MEGF10: variants seen among roughly 807,000 people sequenced by gnomAD.
The protein encoded by MEGF10 is multiple EGF like domains 10, also known as multiple epidermal growth factor-like domains protein 10.
A neutral mutation model predicts 147.5 loss-of-function variants in MEGF10; 86 were observed. The ratio of observed to expected loss-of-function variants is 0.58; its 90% CI spans 0.49 to 0.70. The LOEUF (loss-of-function observed/expected upper bound fraction) is 0.70, where lower values mean the gene tolerates loss of function less well. Ranked by LOEUF, MEGF10 falls within the 30% of genes least tolerant of loss-of-function variation. MEGF10 has a pLI of 0.00. For synonymous variants in MEGF10, 478 were observed against 525.5 expected (o/e 0.91, Z 1.24); for missense variants, 1,329 against 1,487.3 (o/e 0.89, Z 1.75).
At chr5:127,302,951 G>A (rs1759836474) in intron 1 of MEGF10, among the ~76,000 whole-genome samples, 2 of 152,068 alleles carry the variant, frequency 1.3e-5, no homozygotes, top group Non-Finnish European at 2.9e-5. Context: ...GTACCCCAAT[G>A]GCAGAAATGT....
rs987182555 is a variant in MEGF10, at chr5:127,449,229, T to C, written c.2980+7T>C. The stretch of plus-strand genomic sequence containing the variant: ...GGCTACCTCAACGAGCTCGGTGAGT[T>C]CTCCCAACGCACGTCCCCAGAAGCA... On this transcript the variant is annotated splice_region_variant and intron_variant, in intron 22 of 24. Coordinates refer to ENST00000503335, the MANE Select transcript of MEGF10 (RefSeq NM_001256545.2). 5 of 1,613,190 alleles carry C rather than the reference T, an allele frequency of 3.1e-6. No individual in the cohort carries two copies. The highest frequency in any genetic ancestry group is 4.2e-6 in the Non-Finnish European group (5 of 1,179,748).
intron 1 of MEGF10, among the ~76,000 whole-genome samples, chr5:127,297,752 A>G (rs1168217998): frequency 1.3e-5 from 2 of 152,354 alleles, no homozygotes; most frequent in East Asian, 3.9e-4. Context: ...GCGTTAAAGG[A>G]ACCCTTCACA....
Position 127,369,834 on chromosome 5 carries a change from G to T in MEGF10, c.320-76G>T, listed in dbSNP as rs943612491. The T allele has an allele frequency of 2.0e-5, 23 of 1,122,292 alleles. No homozygotes were observed. The Admixed American group carries it at 4.4e-4, about 22-fold the overall frequency. 69.5% of individuals were successfully genotyped at this position (1,122,292 alleles called of 1,614,324 possible). A position where few individuals can be genotyped will look rare whatever the true frequency, so the allele number is the denominator to read the frequency against. On this transcript the variant is annotated intron_variant, in intron 4 of 24. Coordinates refer to ENST00000503335, the MANE Select transcript of MEGF10 (RefSeq NM_001256545.2). ...GTTTTTAAGTGATACTTGAGACTTG[G>T]ATGTGCAACAGCTGTGTTGTTGGCT...
intron 1 of MEGF10, among the ~76,000 whole-genome samples, chr5:127,307,617 AC>A (rs1291848119): frequency 1.3e-5 from 2 of 152,216 alleles, no homozygotes; most frequent in Non-Finnish European, 2.9e-5. Context: ...CTCTTCAAAT[AC>A]AACTTTAGCA....
chr5:127,341,104 A>C (rs1286466312), intron 4 of MEGF10, among the ~76,000 whole-genome samples: 2 of 152,158 alleles, frequency 1.3e-5, no homozygotes, highest in Non-Finnish European at 2.9e-5. Flanking sequence ...AGTCTGCATC[A>C]CAAAATAGAA....
chr5:127,253,158 C>G, the MEGF10 span, among the ~76,000 whole-genome samples: 4 of 151,994 alleles, frequency 2.6e-5, no homozygotes, highest in East Asian at 7.7e-4. Flanking sequence ...AGAGACAAAG[C>G]ATGTGATTGT....
At chr5:127,411,120 C>T (rs764598577) in intron 9 of MEGF10, among the ~76,000 whole-genome samples, 1 of 152,078 alleles carries the variant, frequency 6.6e-6, no homozygotes, top group Non-Finnish European at 1.5e-5. Context: ...ATATCTTTTT[C>T]GAATTGATTA....
At chr5:127,428,141 A>ATTTT (rs66935934) in intron 13 of MEGF10, among the ~76,000 whole-genome samples, 625 of 103,062 alleles carry the variant, frequency 6.1e-3, no homozygotes, top group Non-Finnish European at 9.1e-3. Context: ...GGTGTCTGGT[A>ATTTT]TTTTTTTTTT....
At position 127,428,640 on chromosome 5, in the gene MEGF10, C is replaced by G. The variant is rs139895023; in HGVS notation, c.1694-4723C>G. 2.4e-4 allele frequency among the ~76,000 whole-genome samples: 36 copies of G among 152,352 alleles called. No individual in the cohort carries two copies. In the East Asian group the frequency reaches 4.2e-3, roughly 18 times the overall value. ...GCCCAATTATTATTAACAAATATCT[C>G]TCTTTGCTCTAATATATGTTTAATA... On this transcript the variant is annotated intron_variant, in intron 13 of 24. Transcript: ENST00000503335.
At chr5:127,296,591 C>G (rs1759514110) in intron 1 of MEGF10, among the ~76,000 whole-genome samples, 2 of 152,102 alleles carry the variant, frequency 1.3e-5, no homozygotes, top group African/African-American at 4.8e-5. Flanking sequence ...CTCATCTGAC[C>G]CAGATGAGCT....
chr5:127,275,897 T>A, the MEGF10 span, among the ~76,000 whole-genome samples: 2 of 152,164 alleles, frequency 1.3e-5, no homozygotes, highest in Non-Finnish European at 2.9e-5. Flanking sequence ...GTGAATCATA[T>A]TTGTCATAGA....
At chr5:127,256,388 C>T in the MEGF10 span, among the ~76,000 whole-genome samples, 3 of 152,110 alleles carry the variant, frequency 2.0e-5, no homozygotes, top group African/African-American at 7.2e-5. Flanking sequence ...TTACAACAGT[C>T]GTTTTGACCA....
At chr5:127,294,517 G>T (rs893828005) in intron 1 of MEGF10, among the ~76,000 whole-genome samples, 5 of 152,110 alleles carry the variant, frequency 3.3e-5, no homozygotes, top group Non-Finnish European at 5.9e-5. Flanking sequence ...CTTCAAGTGG[G>T]GCTGGGCATG....
intron 13 of MEGF10, 91 bp downstream of exon 13, chr5:127,422,863 T>A (rs1765071081): frequency 3.3e-6 from 3 of 906,432 alleles, no homozygotes; most frequent in Non-Finnish European, 3.5e-6. Flanking sequence ...CACACACCAG[T>A]CAACTTTTCA....
chr5:127,442,219 C>CA (rs780557219), intron 18 of MEGF10, among the ~76,000 whole-genome samples: 12 of 152,282 alleles, frequency 7.9e-5, no homozygotes, highest in Non-Finnish European at 1.6e-4. Flanking sequence ...TTTTTGGAGA[C>CA]TTCTCCCAAT....
chr5:127,342,393 G>A lies in MEGF10; in HGVS notation c.319+1763G>A, dbSNP rs140691627. 1.3e-4 allele frequency among the ~76,000 whole-genome samples: 20 copies of A among 152,196 alleles called. No individual in the cohort carries two copies. In the East Asian group the frequency reaches 3.9e-3, roughly 29 times the overall value. ...CAGCACACATTTCTATTAACCCAGG[G>A]GTCATAGAATTTGTATATGAAGCCA... On this transcript the variant is annotated intron_variant, in intron 4 of 24. Transcript: ENST00000503335.
chr5:127,302,156 A>G (rs1476372824), intron 1 of MEGF10, among the ~76,000 whole-genome samples: 3 of 152,188 alleles, frequency 2.0e-5, no homozygotes, highest in African/African-American at 4.8e-5. Flanking sequence ...TGTCTTGTGT[A>G]CAAATGCTCC....
the MEGF10 span, among the ~76,000 whole-genome samples, chr5:127,268,640 T>C: frequency 2.0e-5 from 3 of 152,228 alleles, no homozygotes; most frequent in Non-Finnish European, 2.9e-5. Flanking sequence ...CCTGCCTGCC[T>C]CTGTAGACCC....
chr5:127,244,358 C>T, the MEGF10 span, among the ~76,000 whole-genome samples: 630 of 141,180 alleles, frequency 4.5e-3, 23 homozygotes, highest in Non-Finnish European at 1.3e-3. Context: ...GGTGACAGTG[C>T]GAGACTCCGA....
Sources: allele counts gnomAD v4.1 joint callset (sites outside exome capture counted in the v4.1 genomes callset), GRCh38; gene constraint gnomAD v4.1.1; transcripts MANE v1.5; gene names NCBI Gene and HGNC (gene_info 2026-07-23, HGNC 2026-07-21).